Variants in SPTBN2 observed in about 807,000 individuals in gnomAD.
SPTBN2 encodes spectrin beta, non-erythrocytic 2.
A neutral mutation model predicts 284.2 loss-of-function variants in SPTBN2; 107 were observed. That is an observed-to-expected ratio of 0.38 (90% confidence interval 0.32 to 0.44). SPTBN2 has a LOEUF of 0.44. SPTBN2 is among the 20% of genes least tolerant of loss of function. SPTBN2 has a pLI of 1.00. For synonymous variants in SPTBN2, 1,289 were observed against 1,354.8 expected (o/e 0.95, Z 1.07); for missense variants, 2,569 against 3,287.1 (o/e 0.78, Z 5.34).
At chr11:66,727,502 C>G (rs1436105624) in intron 1 of SPTBN2, among the ~76,000 whole-genome samples, 1 of 152,236 alleles carries the variant, frequency 6.6e-6, no homozygotes, top group Non-Finnish European at 1.5e-5. Flanking sequence ...CCCCCGCGAG[C>G]AGGCCTTGCT....
At chr11:66,743,179 T>C (rs1942912536) in intron 1 of SPTBN2, among the ~76,000 whole-genome samples, 1 of 152,154 alleles carries the variant, frequency 6.6e-6, no homozygotes. Flanking sequence ...CAATGATTCC[T>C]CAAATGCCAG....
At chr11:66,697,838 G>A (rs1210514483) in intron 20 of SPTBN2, among the ~76,000 whole-genome samples, 2 of 152,086 alleles carry the variant, frequency 1.3e-5, no homozygotes, top group Non-Finnish European at 2.9e-5. Flanking sequence ...CGGACCCCAC[G>A]CAGGGCCTAA....
At chr11:66,701,432 CTT>C (rs1017775799) in intron 16 of SPTBN2, 150 bp from the exon 17 acceptor site, 153 of 1,515,048 alleles carry the variant, frequency 1.0e-4, no homozygotes, top group Admixed American at 2.6e-4. Flanking sequence ...TCTCTCATCT[CTT>C]TCATCCTTTT....
At position 66,687,178 on chromosome 11, in the gene SPTBN2, C is replaced by T. The variant is rs758435668; in HGVS notation, c.6723-11G>A. 27 of 1,613,424 alleles carry T rather than the reference C, an allele frequency of 1.7e-5. No individual in the cohort carries two copies. The highest frequency in any genetic ancestry group is 1.6e-4 in the Middle Eastern group (1 of 6,074). On this transcript the variant is annotated splice_polypyrimidine_tract_variant and intron_variant, in intron 35 of 37. Transcript: ENST00000533211. The surrounding 1 kb of genome is among the most constrained non-coding windows in gnomAD (Gnocchi z 5.2). ...ACGTTCTGCCAGGACCTGCGAGGGA[C>T]GCGGTGCTGACTGGCCGGCCTCAGT...
rs751600453 is a variant in SPTBN2, at chr11:66,714,340, A to C, written c.551T>G (p.Leu184Arg). Residue 184 changes from leucine to arginine, a missense_variant, in exon 6 of 38, where the codon CTG becomes CGG. Coordinates refer to ENST00000533211, the MANE Select transcript of SPTBN2 (RefSeq NM_006946.4). ...EKKSAKDALLLWCQMKTAGYP... is the reference protein window; with the variant it reads ...EKKSAKDALLRWCQMKTAGYP... ...CCCTGCAGTCTTCATCTGGCACCAC[A>C]GAAGCAGGGCATCCTTGGCTGACTT... 1 of 1,614,072 alleles carries C rather than the reference A, an allele frequency of 6.2e-7. No individual in the cohort carries two copies. Among genetic ancestry groups the C allele is most frequent in the Non-Finnish European group, 8.5e-7 (1 of 1,180,000 alleles).
intron 1 of SPTBN2, among the ~76,000 whole-genome samples, chr11:66,725,978 G>C (rs942881233): frequency 6.6e-6 from 1 of 152,082 alleles, no homozygotes; most frequent in African/African-American, 2.4e-5. Flanking sequence ...GGGCACTTCG[G>C]CATGCAGCTA....
At chr11:66,733,482 T>A (rs1174498611), upstream of SPTBN2, among the ~76,000 whole-genome samples, 1 of 152,116 alleles carries the variant, frequency 6.6e-6, no homozygotes, top group Non-Finnish European at 1.5e-5. Flanking sequence ...GGAGCTACTA[T>A]TTGCTGAGAT....
In SPTBN2 at chr11:66,683,031, A is replaced by C. The variant is rs1042065271; in HGVS notation, c.*2840T>G. On this transcript the variant is annotated 3_prime_UTR_variant, in exon 38 of 38. Transcript: ENST00000533211. ...GGCTTCCCAAAGTGCTGGGATTATA[A>C]GCGTGAACCACCATGCCTGGCCAAG... 6.8e-6 allele frequency among the ~76,000 whole-genome samples: 1 copy of C among 147,872 alleles called. No homozygotes were observed. Among genetic ancestry groups the C allele is most frequent in the African/African-American group, 2.5e-5 (1 of 39,944 alleles).
At chr11:66,744,665 C>A (rs1942945646) in exon 1 of SPTBN2, 3 of 506,312 alleles carry the variant, frequency 5.9e-6, no homozygotes, top group African/African-American at 2.0e-5. Flanking sequence ...GGTCTCGGGG[C>A]CCTGCAGCGT....
chr11:66,727,365 G>A (rs1195211856), intron 1 of SPTBN2, among the ~76,000 whole-genome samples: 3 of 152,190 alleles, frequency 2.0e-5, no homozygotes, highest in Non-Finnish European at 4.4e-5. Flanking sequence ...GAGGGCAGAC[G>A]ACATGTAGCA....
rs759499113 is a variant in SPTBN2 at position 66,692,718 on chromosome 11, C to G, written c.5008G>C (p.Ala1670Pro). Residue 1670 changes from alanine to proline, a missense_variant, in exon 26 of 38, where the codon GCC becomes CCC. Ala to Pro is a conservative substitution (Grantham distance 27). Around this residue, in one of 6 missense-constraint regions of SPTBN2, gnomAD observed 1,130 missense variants for 1,317.3 expected, o/e 0.86. Coordinates refer to ENST00000533211, the MANE Select transcript of SPTBN2 (RefSeq NM_006946.4). ...CCGGCATACAGCTTGTCCACCTGGG[C>G]TTGGCGGATGGATATCCGAGTGCTG... ...PESTRISIRQ[A>P]QVDKLYAGLK... 2 of 1,602,860 alleles carry G rather than the reference C, an allele frequency of 1.2e-6. No homozygotes were observed. Among genetic ancestry groups the G allele is most frequent in the Non-Finnish European group, 1.7e-6 (2 of 1,179,944 alleles).
intron 10 of SPTBN2, among the ~76,000 whole-genome samples, chr11:66,709,832 T>C (rs1941762077): frequency 2.0e-5 from 3 of 152,198 alleles, no homozygotes; most frequent in Admixed American, 2.0e-4. Context: ...AGCAATCACA[T>C]ACTTGGAACA....
intron 5 of SPTBN2, 51 bp from the exon 6 acceptor site, chr11:66,714,458 G>A: frequency 1.4e-6 from 2 of 1,466,050 alleles, no homozygotes; most frequent in South Asian, 2.3e-5. Flanking sequence ...AACTCCTGGT[G>A]TTATCAGAGA....
Position 66,705,718 on chromosome 11 carries a change from G to A in SPTBN2, c.1773C>T (p.Ser591=), listed in dbSNP as rs769837002. The A allele has an allele frequency of 6.2e-6, 10 of 1,612,192 alleles. No individual in the cohort carries two copies. In the South Asian group the frequency reaches 8.8e-5, roughly 14 times the overall value. The change falls in exon 14 of 38, where the codon AGC becomes AGT. Residue 591 remains serine, a synonymous_variant. Coordinates refer to ENST00000533211, the MANE Select transcript of SPTBN2 (RefSeq NM_006946.4). ...AVQAERVRAV[S]ASALRFCNPG... ...GGTTGCAGAAGCGCAGGGCAGAGGC[G>A]CTGACGGCCCGCACCCTCTCGGCCT...
At chr11:66,699,365 C>T (rs1461431828) in intron 18 of SPTBN2, 41 bp downstream of exon 18, 8 of 1,604,870 alleles carry the variant, frequency 5.0e-6, no homozygotes, top group Non-Finnish European at 6.0e-6. Flanking sequence ...TTCTCCGATT[C>T]CCCCCTGGGA....
In SPTBN2 at chr11:66,705,960, A is replaced by G; in HGVS notation, c.1654-123T>C. 2.1e-6 allele frequency: 3 copies of G among 1,399,862 alleles called. No homozygotes were observed. In the South Asian group the frequency reaches 3.8e-5, roughly 18 times the overall value. The allele number at this position is 1,399,862 out of a possible 1,614,324, so 86.7% of individuals were successfully genotyped here. A position where few individuals can be genotyped will look rare whatever the true frequency, so the allele number is the denominator to read the frequency against. On this transcript the variant is annotated intron_variant, in intron 13 of 37. Transcript: ENST00000533211. ...ACCCAGGTGAGAAACCTGCTTGCTC[A>G]CACATACTTGAGATACCCCAGTTCT... is the stretch of plus-strand genomic sequence containing the variant.
chr11:66,702,987 AG>A (rs1230354765), intron 15 of SPTBN2, among the ~76,000 whole-genome samples: 1 of 151,688 alleles, frequency 6.6e-6, no homozygotes, highest in East Asian at 1.9e-4. Context: ...TTACAGAAAC[AG>A]GCAGCAGGCT....
chr11:66,696,795 C>T (rs1333016541), intron 20 of SPTBN2, among the ~76,000 whole-genome samples: 5 of 152,252 alleles, frequency 3.3e-5, no homozygotes, highest in Non-Finnish European at 7.3e-5. Context: ...AGCCCTTGCA[C>T]TCTCTTTAGT....
At chr11:66,689,292 G>A (rs1940373703) in intron 29 of SPTBN2, 112 bp from the exon 30 acceptor site, 1 of 1,216,746 alleles carries the variant, frequency 8.2e-7, no homozygotes, top group Admixed American at 2.2e-5. Context: ...TCTTTTTTTT[G>A]AGACGGAGTT....
Sources: allele counts gnomAD v4.1 joint callset (sites outside exome capture counted in the v4.1 genomes callset), GRCh38; gene constraint gnomAD v4.1.1; regional missense constraint gnomAD v4.1.1; non-coding constraint Gnocchi (gnomAD v3.1); transcripts MANE v1.5; gene names NCBI Gene and HGNC (gene_info 2026-07-23, HGNC 2026-07-21).